The following PRKN variants were observed in gnomAD, a reference collection of about 807,000 sequenced individuals.
PRKN encodes parkin RBR E3 ubiquitin protein ligase.
Under a neutral mutation model 59.5 loss-of-function variants are expected in PRKN, and 56 were observed. That is an observed-to-expected ratio of 0.94 (90% CI 0.76 to 1.18). The LOEUF (loss-of-function observed/expected upper bound fraction) is 1.18, where lower values mean the gene tolerates loss of function less well. PRKN is among the 50% of genes most tolerant of loss of function. The pLI, the probability that PRKN is intolerant of heterozygous loss-of-function variation, is 0.00. For synonymous variants in PRKN, 250 were observed against 222.1 expected (o/e 1.13, Z -1.12); for missense variants, 657 against 596.4 (o/e 1.10, Z -1.06).
chr6:161,815,890 G>T (rs900998144), intron 6 of PRKN, among the ~76,000 whole-genome samples: 3 of 152,162 alleles, frequency 2.0e-5, no homozygotes, highest in African/African-American at 7.2e-5. Flanking sequence ...GTAAACCTGC[G>T]CTTTGGAAAA....
rs533205157 is a variant in PRKN at position 161,417,162 on chromosome 6, A to G, written c.1084-30285T>C. On this transcript the variant is annotated intron_variant, in intron 9 of 11. Transcript: ENST00000366898. The surrounding 1 kb of genome is among the most constrained non-coding windows in gnomAD (Gnocchi z 5.4). ...CGGGTTTTTGATGGCCTGTAAAGTCATCTAACGGGCTTGGCGCAGTGGCTC... is the reference window on the plus strand; with the variant it reads ...CGGGTTTTTGATGGCCTGTAAAGTCGTCTAACGGGCTTGGCGCAGTGGCTC... Among the ~76,000 whole-genome samples, 5 of 152,290 alleles carry G rather than the reference A, an allele frequency of 3.3e-5. No individual in the cohort carries two copies. In the South Asian group the frequency reaches 1.0e-3, roughly 32 times the overall value.
At chr6:161,800,384 C>T in intron 6 of PRKN, among the ~76,000 whole-genome samples, 1 of 152,196 alleles carries the variant, frequency 6.6e-6, no homozygotes, top group Non-Finnish European at 1.5e-5. Flanking sequence ...TTCTAAAAGT[C>T]ACACCTTTCA....
chr6:161,871,879 A>T (rs1482789347), intron 6 of PRKN, among the ~76,000 whole-genome samples: 1 of 152,202 alleles, frequency 6.6e-6, no homozygotes, highest in Non-Finnish European at 1.5e-5. Context: ...CACAGGCACG[A>T]GGACGTGAAC....
intron 9 of PRKN, among the ~76,000 whole-genome samples, chr6:161,426,505 G>T (rs1337841041): frequency 6.6e-6 from 1 of 152,046 alleles, no homozygotes; most frequent in Non-Finnish European, 1.5e-5. Flanking sequence ...TGTGCTGGAT[G>T]CTTCCGGCCC....
At chr6:162,289,410 T>A (rs1052079021) in intron 2 of PRKN, among the ~76,000 whole-genome samples, 2 of 152,004 alleles carry the variant, frequency 1.3e-5, no homozygotes, top group Admixed American at 1.3e-4. Flanking sequence ...AAATAGGTGT[T>A]TTTTTTTAGC....
chr6:161,569,462 T>G, intron 7 of PRKN, 46 bp from the exon 8 acceptor site: 1 of 1,481,912 alleles, frequency 6.7e-7, no homozygotes, highest in East Asian at 2.3e-5. Context: ...TTTCACTCTG[T>G]GTGGTTATAT....
chr6:162,344,757 C>T (rs533965521), intron 2 of PRKN, among the ~76,000 whole-genome samples: 16 of 152,236 alleles, frequency 1.1e-4, no homozygotes, highest in Admixed American at 3.3e-4. Context: ...AGGCTCCATT[C>T]CTTTCTGGGC....
In PRKN at chr6:161,350,065, C is replaced by A; in HGVS notation, c.*34G>T. On this transcript the variant is annotated 3_prime_UTR_variant, in exon 12 of 12. Transcript: ENST00000366898. Reference sequence around the variant, plus strand: ...AAGGTAGACACTGGGTATGCTCCCCCAGGATGTGGCGATGGGGCGCCCGGC... The same window carrying A: ...AAGGTAGACACTGGGTATGCTCCCCAAGGATGTGGCGATGGGGCGCCCGGC... The A allele has an allele frequency of 2.2e-6, 3 of 1,337,918 alleles. No homozygotes were observed. The highest frequency in any genetic ancestry group is 2.1e-6 in the Non-Finnish European group (2 of 930,788). 82.9% of individuals were successfully genotyped at this position (1,337,918 alleles called of 1,614,324 possible).
At position 161,630,449 on chromosome 6, in the gene PRKN, G is replaced by T. The variant is rs147654033; in HGVS notation, c.872-61033C>A. 7.5e-3 allele frequency among the ~76,000 whole-genome samples: 1,148 copies of T among 152,206 alleles called. 2 individuals are homozygous for T. The highest frequency in any genetic ancestry group is 0.013 in the Non-Finnish European group (886 of 68,024). On this transcript the variant is annotated intron_variant, in intron 7 of 11. Coordinates refer to ENST00000366898, the MANE Select transcript of PRKN (RefSeq NM_004562.3). Reference sequence around the variant, plus strand: ...CATAGTTTATACTGTCATCATAATAGAATTTCAGAACTGAAATTAAATAAA... The same window carrying T: ...CATAGTTTATACTGTCATCATAATATAATTTCAGAACTGAAATTAAATAAA...
chr6:161,424,437 G>A (rs1161671162), intron 9 of PRKN, among the ~76,000 whole-genome samples: 1 of 152,080 alleles, frequency 6.6e-6, no homozygotes, highest in East Asian at 1.9e-4. Context: ...CCACAGAAGG[G>A]GCAAAGAGGA....
intron 7 of PRKN, among the ~76,000 whole-genome samples, chr6:161,583,150 C>A (rs1401956859): frequency 6.6e-6 from 1 of 152,112 alleles, no homozygotes; most frequent in Non-Finnish European, 1.5e-5. Context: ...GACTTTCATG[C>A]CTTACTTTTT....
intron 1 of PRKN, among the ~76,000 whole-genome samples, chr6:162,692,326 T>C (rs1250732350): frequency 6.6e-6 from 1 of 152,292 alleles, no homozygotes; most frequent in East Asian, 1.9e-4. Flanking sequence ...GATTGGCTCT[T>C]GACAAGCTCC....
intron 5 of PRKN, among the ~76,000 whole-genome samples, chr6:161,991,602 G>T (rs1419424140): frequency 6.6e-6 from 1 of 152,118 alleles, no homozygotes; most frequent in East Asian, 1.9e-4. Flanking sequence ...AGCACTTTGG[G>T]AGGCCGAGGC....
chr6:161,875,863 T>G (rs1295106420), intron 6 of PRKN, among the ~76,000 whole-genome samples: 1 of 152,082 alleles, frequency 6.6e-6, no homozygotes, highest in Non-Finnish European at 1.5e-5. Flanking sequence ...ATCCCACTCA[T>G]AAGTACTGGG....
chr6:162,646,541 C>T (rs1451711156), intron 1 of PRKN, among the ~76,000 whole-genome samples: 2 of 152,078 alleles, frequency 1.3e-5, no homozygotes, highest in East Asian at 3.9e-4. Context: ...ACTTTGGCCT[C>T]CCAAACTGCT....
intron 2 of PRKN, among the ~76,000 whole-genome samples, chr6:162,429,743 G>C (rs888937017): frequency 2.6e-5 from 4 of 152,088 alleles, no homozygotes; most frequent in Non-Finnish European, 5.9e-5. Context: ...GGGACGCACC[G>C]GTCCTGCTTA....
chr6:161,372,199 A>C lies in PRKN; in HGVS notation c.1168-11994T>G, dbSNP rs1785469271. ...TTTTAAAAGTGCTTTGTGTTCAACT[A>C]TTGTTACAAGTTGACATATGGGAAA... On this transcript the variant is annotated intron_variant, in intron 10 of 11. Transcript: ENST00000366898. The surrounding 1 kb of genome is among the most constrained non-coding windows in gnomAD (Gnocchi z 4.2). Among the ~76,000 whole-genome samples, 1 of 151,966 alleles carries C rather than the reference A, an allele frequency of 6.6e-6. No homozygotes were observed. The highest frequency in any genetic ancestry group is 1.5e-5 in the Non-Finnish European group (1 of 67,982).
chr6:162,316,196 C>T (rs932466056), intron 2 of PRKN, among the ~76,000 whole-genome samples: 1 of 151,664 alleles, frequency 6.6e-6, no homozygotes, highest in African/African-American at 2.4e-5. Flanking sequence ...ATGTATAGGA[C>T]CATGAAAAAT....
rs1373296831 is a variant in PRKN at position 161,360,471 on chromosome 6, T to C, written c.1168-266A>G. Among the ~76,000 whole-genome samples, 1 of 152,218 alleles carries C rather than the reference T, an allele frequency of 6.6e-6. No individual in the cohort carries two copies. Among genetic ancestry groups the C allele is most frequent in the Non-Finnish European group, 1.5e-5 (1 of 68,040 alleles). On this transcript the variant is annotated intron_variant, in intron 10 of 11. Transcript: ENST00000366898. This position sits in a 1 kb window ranked among gnomAD's most constrained non-coding sequence, Gnocchi z 5.1. ...TCCTCTATTCTGTTGTTTTGCATAATTGTAATAAATAACACCTATCAGGTG... is the reference window on the plus strand; with the variant it reads ...TCCTCTATTCTGTTGTTTTGCATAACTGTAATAAATAACACCTATCAGGTG...
Sources: allele counts gnomAD v4.1 joint callset (sites outside exome capture counted in the v4.1 genomes callset), GRCh38; gene constraint gnomAD v4.1.1; non-coding constraint Gnocchi (gnomAD v3.1); transcripts MANE v1.5; gene names NCBI Gene and HGNC (gene_info 2026-07-23, HGNC 2026-07-21).